The following NDUFA10 variants were observed in gnomAD, a reference collection of about 807,000 sequenced individuals.
NDUFA10 encodes the protein NADH dehydrogenase [ubiquinone] 1 alpha subcomplex subunit 10, mitochondrial.
A neutral mutation model predicts 47.8 loss-of-function variants in NDUFA10; 40 were observed. The ratio of observed to expected loss-of-function variants is 0.84; its 90% confidence interval spans 0.65 to 1.09. The LOEUF (loss-of-function observed/expected upper bound fraction) is 1.09, where lower values mean the gene tolerates loss of function less well. Among genes scored for constraint, NDUFA10 ranks in the 50% least tolerant of loss-of-function variants. NDUFA10 has a pLI of 0.00. For synonymous variants in NDUFA10, 183 were observed against 172.2 expected (o/e 1.06, Z -0.49); for missense variants, 413 against 451.1 (o/e 0.92, Z 0.76).
chr2:239,989,158 T>C (rs983006032), intron 9 of NDUFA10, among the ~76,000 whole-genome samples: 1 of 152,226 alleles, frequency 6.6e-6, no homozygotes, highest in Non-Finnish European at 1.5e-5. Flanking sequence ...GAGATATCTT[T>C]ATGGTTTTAT....
At chr2:239,956,177 C>A (rs1442874307), downstream of NDUFA10, among the ~76,000 whole-genome samples, 2 of 152,208 alleles carry the variant, frequency 1.3e-5, no homozygotes, top group Non-Finnish European at 2.9e-5. Flanking sequence ...CAGGAACAAG[C>A]AGCGCTGCGT....
intron 4 of NDUFA10, among the ~76,000 whole-genome samples, chr2:239,914,072 C>T (rs980523137): frequency 7.2e-5 from 11 of 152,192 alleles, no homozygotes; most frequent in African/African-American, 2.7e-4. Context: ...ACCTTTACTT[C>T]CCCAGACCAG....
intron 4 of NDUFA10, chr2:240,017,903 A>T: frequency 6.4e-7 from 1 of 1,563,452 alleles, no homozygotes; most frequent in Non-Finnish European, 8.7e-7. Context: ...CAGCCACCCC[A>T]GTCTACAGAT....
At chr2:240,017,965 ACACAGTCCTAGT>A in intron 4 of NDUFA10, 1 of 1,396,818 alleles carries the variant, frequency 7.2e-7, no homozygotes, top group Non-Finnish European at 9.9e-7. Context: ...CCACCGCCCA[ACACAGTCCTAGT>A]CACAGACACC....
Position 240,021,405 on chromosome 2 carries a change from C to G in NDUFA10, c.252G>C (p.Lys84Asn). 2 of 1,614,104 alleles carry G rather than the reference C, an allele frequency of 1.2e-6. No homozygotes were observed. The highest frequency in any genetic ancestry group is 1.7e-6 in the Non-Finnish European group (2 of 1,179,998). The change falls in exon 3 of 10, where the codon AAG becomes AAC. Residue 84 changes from lysine (K) to asparagine (N), a missense_variant. Transcript: ENST00000252711. ...AATGAATCCCCGCTTCAGGAAAGTG[C>G]TTGAAGCCTGAAAAGAGAAACAGTC... ...AKEIAEKLGF[K>N]HFPEAGIHYP... is the part of the protein sequence containing the mutation.
At chr2:239,893,914 C>G (rs1693342653) in intron 5 of NDUFA10, among the ~76,000 whole-genome samples, 1 of 150,980 alleles carries the variant, frequency 6.6e-6, no homozygotes, top group South Asian at 2.1e-4. Context: ...CCATCCTCAA[C>G]TCCATCATCC....
rs116101970 is a variant in NDUFA10, at chr2:240,016,774, G to A, written c.547+1779C>T. Reference sequence around the variant, plus strand: ...GGTCAGTGCTGGACCCCCAACGCCTGCAGACTCCAGCCCAGGCCAGTCCTC... The same window carrying A: ...GGTCAGTGCTGGACCCCCAACGCCTACAGACTCCAGCCCAGGCCAGTCCTC... On this transcript the variant is annotated intron_variant, in intron 4 of 9. Coordinates refer to ENST00000252711, the MANE Select transcript of NDUFA10 (RefSeq NM_004544.4). This position sits in a 1 kb window ranked among gnomAD's most constrained non-coding sequence, Gnocchi z 4.4. Among the ~76,000 whole-genome samples the A allele has an allele frequency of 6.6e-6, 1 of 152,202 alleles. No individual in the cohort carries two copies. The highest frequency in any genetic ancestry group is 1.5e-5 in the Non-Finnish European group (1 of 68,014).
chr2:239,996,031 G>C (rs1480974231), intron 8 of NDUFA10, among the ~76,000 whole-genome samples: 1 of 152,178 alleles, frequency 6.6e-6, no homozygotes, highest in Admixed American at 6.5e-5. Flanking sequence ...ATCCAGCAGA[G>C]AGAAAATCCG....
Position 239,936,601 on chromosome 2 carries a change from T to G in NDUFA10, c.295-41287A>C, listed in dbSNP as rs77596604. ...GGATGCAAGTGTGGGGCAGGGGGCATGGGGAAAATCCCTGCCTTACGCTCA... is the reference window on the plus strand; with the variant it reads ...GGATGCAAGTGTGGGGCAGGGGGCAGGGGGAAAATCCCTGCCTTACGCTCA... On this transcript the variant is annotated intron_variant, in intron 4 of 5. Transcript: ENST00000419408. 2.0e-4 allele frequency among the ~76,000 whole-genome samples: 30 copies of G among 152,204 alleles called. No homozygotes were observed. The East Asian group carries it at 5.6e-3, about 29-fold the overall frequency.
chr2:239,986,209 C>T (rs1216993839), intron 9 of NDUFA10, among the ~76,000 whole-genome samples: 1 of 152,180 alleles, frequency 6.6e-6, no homozygotes, highest in Admixed American at 6.5e-5. Context: ...AAAATATTGG[C>T]AATTTAAAAC....
rs1694326303 is a variant in NDUFA10 at position 239,939,609 on chromosome 2, T to C, written c.295-44295A>G. Among the ~76,000 whole-genome samples the C allele has an allele frequency of 2.0e-5, 3 of 152,194 alleles. No individual in the cohort carries two copies. In the South Asian group the frequency reaches 6.2e-4, roughly 32 times the overall value. On this transcript the variant is annotated intron_variant, in intron 4 of 5. Coordinates refer to the NDUFA10 transcript ENST00000419408. ...TGACCCATGCAGAATATTCAAGAAA[T>C]GGTGAGAGGTTATTTGTAATGTCTA...
At chr2:240,023,016 G>C (rs1697698351) in intron 1 of NDUFA10, among the ~76,000 whole-genome samples, 1 of 152,084 alleles carries the variant, frequency 6.6e-6, no homozygotes, top group Non-Finnish European at 1.5e-5. Flanking sequence ...AGACTCTCTG[G>C]ACACTGCATC....
intron 8 of NDUFA10, 35 bp from the exon 9 acceptor site, chr2:239,990,217 C>T: frequency 6.6e-7 from 1 of 1,504,312 alleles, no homozygotes. Context: ...CACACCAAAC[C>T]ATCAAAATAA....
At chr2:240,007,857 C>A (rs1339156259) in intron 6 of NDUFA10, among the ~76,000 whole-genome samples, 4 of 152,202 alleles carry the variant, frequency 2.6e-5, no homozygotes, top group African/African-American at 9.7e-5. Context: ...CATCTTTACA[C>A]CACAGCACCC....
At chr2:239,980,519 T>C (rs1189123269) in intron 9 of NDUFA10, among the ~76,000 whole-genome samples, 1 of 152,152 alleles carries the variant, frequency 6.6e-6, no homozygotes, top group African/African-American at 2.4e-5. Context: ...ATTGAGTATA[T>C]AAAATGTAGA....
At chr2:239,979,714 G>A (rs994685826) in intron 9 of NDUFA10, among the ~76,000 whole-genome samples, 4 of 152,050 alleles carry the variant, frequency 2.6e-5, no homozygotes, top group Non-Finnish European at 5.9e-5. Context: ...GATACTCGAC[G>A]TGGCAAGCAG....
At chr2:239,925,036 T>G (rs529893350) in intron 4 of NDUFA10, among the ~76,000 whole-genome samples, 1 of 152,252 alleles carries the variant, frequency 6.6e-6, no homozygotes, top group African/African-American at 2.4e-5. Flanking sequence ...CTACAAAATG[T>G]TAATGAGATA....
At position 239,960,945 on chromosome 2, in the gene NDUFA10, ACT is replaced by A. The variant is rs1694829449; in HGVS notation, c.*171_*172del. 3 of 1,509,358 alleles carry A rather than the reference ACT, an allele frequency of 2.0e-6. No individual in the cohort carries two copies. Among genetic ancestry groups the A allele is most frequent in the Middle Eastern group, 2.4e-4 (1 of 4,216 alleles). The allele number at this position is 1,509,358 out of a possible 1,614,324, so 93.5% of individuals were successfully genotyped here. On this transcript the variant is annotated 3_prime_UTR_variant, in exon 10 of 10. Transcript: ENST00000252711. ...TCCAGAATGGAAGCTGCTTCCCCCA[ACT>A]CCATTACCTATACTACAGGATGGAT...
At chr2:239,965,307 G>A (rs528156106) in intron 9 of NDUFA10, among the ~76,000 whole-genome samples, 6 of 152,048 alleles carry the variant, frequency 3.9e-5, no homozygotes, top group African/African-American at 7.3e-5. Context: ...AACCATGCGG[G>A]GGGGGAGGGG....
Sources: gnomAD v4.1 joint callset for allele counts (sites outside exome capture counted in the v4.1 genomes callset) on GRCh38, gnomAD v4.1.1 for gene constraint, Gnocchi (gnomAD v3.1) non-coding constraint, MANE v1.5 for transcripts, NCBI Gene and HGNC (gene_info 2026-07-23, HGNC 2026-07-21) for gene names.